The following BIRC6 variants were observed in gnomAD, a reference collection of about 807,000 sequenced individuals.
The protein encoded by BIRC6 is baculoviral IAP repeat containing 6.
Under a neutral mutation model 503.3 loss-of-function variants are expected in BIRC6, and 98 were observed. The ratio of observed to expected loss-of-function variants is 0.19; its 90% CI spans 0.17 to 0.23. The LOEUF (loss-of-function observed/expected upper bound fraction) is 0.23, where lower values mean the gene tolerates loss of function less well. Among genes scored for constraint, BIRC6 ranks in the 10% least tolerant of loss-of-function variants. BIRC6 has a pLI of 1.00. For synonymous variants in BIRC6, 2,240 were observed against 2,078.7 expected (o/e 1.08, Z -2.11); for missense variants, 5,360 against 5,806.0 (o/e 0.92, Z 2.50).
intron 66 of BIRC6, among the ~76,000 whole-genome samples, chr2:32,592,123 C>T (rs1357307295): frequency 6.6e-6 from 1 of 152,156 alleles, no homozygotes; most frequent in Non-Finnish European, 1.5e-5. Flanking sequence ...ACTATACTCT[C>T]CTTATATATG....
intron 10 of BIRC6, among the ~76,000 whole-genome samples, chr2:32,419,646 T>A (rs964166802): frequency 6.6e-6 from 1 of 152,030 alleles, no homozygotes; most frequent in Non-Finnish European, 1.5e-5. Context: ...AAATAAAGTT[T>A]TTTAAAAGGC....
intron 45 of BIRC6, among the ~76,000 whole-genome samples, chr2:32,495,789 A>AG (rs2052372156): frequency 1.9e-5 from 2 of 106,834 alleles, no homozygotes; most frequent in Admixed American, 9.4e-5. Flanking sequence ...TTCAGGATGA[A>AG]GTTTTTTTTT....
At chr2:32,469,268 G>A in intron 29 of BIRC6, 127 bp from the exon 30 acceptor site, 1 of 735,960 alleles carries the variant, frequency 1.4e-6, no homozygotes, top group South Asian at 2.1e-5. Context: ...TAAATACATT[G>A]CAGAATAAAT....
At chr2:32,556,547 TAA>T (rs2058791785) in intron 65 of BIRC6, among the ~76,000 whole-genome samples, 1 of 152,182 alleles carries the variant, frequency 6.6e-6, no homozygotes, top group Non-Finnish European at 1.5e-5. Flanking sequence ...ACATCCCAGT[TAA>T]GAGTGAGCTG....
chr2:32,580,578 C>A (rs927900100), intron 66 of BIRC6, among the ~76,000 whole-genome samples: 2 of 152,084 alleles, frequency 1.3e-5, no homozygotes, highest in Non-Finnish European at 2.9e-5. Flanking sequence ...GAGTTACTTA[C>A]CTTAAAAGTA....
At chr2:32,491,163 T>C (rs1432564457) in intron 43 of BIRC6, among the ~76,000 whole-genome samples, 6 of 152,206 alleles carry the variant, frequency 3.9e-5, no homozygotes, top group African/African-American at 1.4e-4. Context: ...GACCTAGTTA[T>C]ATCTTTTCTG....
In BIRC6 at chr2:32,598,493, A is replaced by G. The variant is rs541891298; in HGVS notation, c.13830+525A>G. ...TTTATGTTTTTTTTAAATTCCTAAC[A>G]TCTGTGAATTATAGGTAATACAATA... is the stretch of plus-strand genomic sequence containing the variant. On this transcript the variant is annotated intron_variant, in intron 69 of 73. Transcript: ENST00000421745. 4.6e-5 allele frequency among the ~76,000 whole-genome samples: 7 copies of G among 152,152 alleles called. No individual in the cohort carries two copies. The South Asian group carries it at 1.0e-3, about 23-fold the overall frequency.
intron 12 of BIRC6, among the ~76,000 whole-genome samples, chr2:32,433,186 G>A (rs944332661): frequency 6.6e-6 from 1 of 152,150 alleles, no homozygotes; most frequent in African/African-American, 2.4e-5. Context: ...GAGATGTCTA[G>A]TAGACATTTG....
At chr2:32,594,212 T>C in intron 67 of BIRC6, 152 bp downstream of exon 67, 1 of 751,822 alleles carries the variant, frequency 1.3e-6, no homozygotes, top group South Asian at 2.4e-5. Flanking sequence ...GATTTTGTTC[T>C]TTATCTGATT....
chr2:32,563,291 C>G (rs1222836655), intron 65 of BIRC6: 1 of 152,090 alleles, frequency 6.6e-6, no homozygotes, highest in African/African-American at 2.4e-5. Flanking sequence ...AGTATAAATT[C>G]TGATTTTTCA....
At chr2:32,567,184 G>C (rs1317935692) in intron 65 of BIRC6, among the ~76,000 whole-genome samples, 2 of 152,020 alleles carry the variant, frequency 1.3e-5, no homozygotes, top group Non-Finnish European at 2.9e-5. Flanking sequence ...TGGCTAGGCT[G>C]GTCTTGAACT....
intron 36 of BIRC6, 146 bp from the exon 37 acceptor site, chr2:32,479,316 G>T: frequency 1.4e-6 from 1 of 699,666 alleles, no homozygotes. Context: ...TTCCTTACGG[G>T]GGTGGGAACT....
At chr2:32,523,547 A>C (rs932643585) in intron 57 of BIRC6, 1 of 152,208 alleles carries the variant, frequency 6.6e-6, no homozygotes, top group African/African-American at 2.4e-5. Context: ...TTGTTGCACC[A>C]TGCATTTGTT....
At chr2:32,536,898 G>C (rs888534779) in intron 61 of BIRC6, among the ~76,000 whole-genome samples, 1 of 152,108 alleles carries the variant, frequency 6.6e-6, no homozygotes, top group Non-Finnish European at 1.5e-5. Context: ...CATGAGCATG[G>C]AATGTTCTTC....
chr2:32,384,303 C>G (rs1180504545), intron 3 of BIRC6, among the ~76,000 whole-genome samples: 1 of 151,994 alleles, frequency 6.6e-6, no homozygotes, highest in African/African-American at 2.4e-5. Flanking sequence ...GAAAATGAGT[C>G]TTTAGTAGGC....
chr2:32,518,106 C>A, intron 55 of BIRC6, 148 bp from the exon 56 acceptor site: 1 of 647,010 alleles, frequency 1.5e-6, no homozygotes, highest in Non-Finnish European at 2.4e-6. Flanking sequence ...AACTTAACTA[C>A]TAGACCCCCA....
intron 9 of BIRC6, among the ~76,000 whole-genome samples, chr2:32,412,897 ATTAAT>A (rs946776481): frequency 3.0e-4 from 46 of 152,182 alleles, no homozygotes; most frequent in African/African-American, 1.0e-3. Context: ...TTACTTTGAT[ATTAAT>A]TTAAAGTTAT....
chr2:32,527,884 G>A (rs2056406454), intron 59 of BIRC6: 1 of 152,164 alleles, frequency 6.6e-6, no homozygotes, highest in Non-Finnish European at 1.5e-5. Context: ...CACAGAAAAG[G>A]TGCTTATAGA....
At chr2:32,406,701 G>A (rs2041259103) in intron 9 of BIRC6, 144 bp downstream of exon 9, 1 of 554,300 alleles carries the variant, frequency 1.8e-6, no homozygotes, top group Non-Finnish European at 3.2e-6. Flanking sequence ...AATATTGTGT[G>A]TCAGAGATCT....
Sources: allele counts gnomAD v4.1 joint callset (sites outside exome capture counted in the v4.1 genomes callset), GRCh38; gene constraint gnomAD v4.1.1; transcripts MANE v1.5; gene names NCBI Gene and HGNC (gene_info 2026-07-23, HGNC 2026-07-21).